Variants in PAIP1 observed in about 807,000 individuals in gnomAD.
The protein encoded by PAIP1 is polyadenylate-binding protein-interacting protein 1.
PAIP1 carries 16 observed loss-of-function variants against 61.3 expected under a neutral mutation model. That is an observed-to-expected ratio of 0.26 (90% CI 0.18 to 0.40). The LOEUF (loss-of-function observed/expected upper bound fraction) is 0.40, where lower values mean the gene tolerates loss of function less well. PAIP1 is among the 10% of genes least tolerant of loss of function. PAIP1 has a pLI of 1.00. For missense variants in PAIP1, 416 were observed against 600.9 expected (o/e 0.69, Z 3.22); for synonymous variants, 187 against 226.2 (o/e 0.83, Z 1.56).
chr5:43,529,061 G>T (rs1185181620), intron 10 of PAIP1, among the ~76,000 whole-genome samples: 1 of 149,550 alleles, frequency 6.7e-6, no homozygotes, highest in Non-Finnish European at 1.5e-5. Context: ...CCCTTTAATA[G>T]CTAAGATTTG....
chr5:43,555,040 CTTTA>C (rs941263606), intron 2 of PAIP1, among the ~76,000 whole-genome samples: 1 of 152,254 alleles, frequency 6.6e-6, no homozygotes, highest in Middle Eastern at 3.4e-3. Context: ...TTCTATATGA[CTTTA>C]TTTATATAAA....
At chr5:43,533,711 G>A (rs768637817) in intron 9 of PAIP1, 27 bp downstream of exon 9, 5 of 1,436,808 alleles carry the variant, frequency 3.5e-6, no homozygotes, top group Non-Finnish European at 4.9e-6. Flanking sequence ...ACAACTGGGA[G>A]GAGGGAATGA....
intron 3 of PAIP1, among the ~76,000 whole-genome samples, chr5:43,543,805 G>T (rs1747519980): frequency 1.3e-5 from 2 of 151,952 alleles, no homozygotes; most frequent in South Asian, 4.1e-4. Context: ...GAATAGTAGA[G>T]AACATAGTTT....
At chr5:43,542,981 T>C in intron 4 of PAIP1, 23 bp downstream of exon 4, 1 of 1,255,196 alleles carries the variant, frequency 8.0e-7, no homozygotes, top group South Asian at 1.2e-5. Flanking sequence ...GTAGTTTTCC[T>C]TTAATTTCAC....
At chr5:43,531,620 G>C (rs1479440075) in intron 9 of PAIP1, among the ~76,000 whole-genome samples, 3 of 118,218 alleles carry the variant, frequency 2.5e-5, no homozygotes, top group African/African-American at 9.1e-5. Context: ...TTGCATCACC[G>C]CACCCCAGCC....
intron 2 of PAIP1, among the ~76,000 whole-genome samples, chr5:43,552,075 A>C (rs926115695): frequency 6.6e-6 from 1 of 152,166 alleles, no homozygotes; most frequent in Admixed American, 6.5e-5. Context: ...GAGAAATAGA[A>C]AATGTACTTT....
At chr5:43,543,784 C>T (rs1449653464) in intron 3 of PAIP1, among the ~76,000 whole-genome samples, 1 of 151,132 alleles carries the variant, frequency 6.6e-6, no homozygotes, top group Non-Finnish European at 1.5e-5. Flanking sequence ...ACTTTAATTG[C>T]AATTTCTAAA....
Position 43,529,796 on chromosome 5 carries a change from C to G in PAIP1, c.1336G>C (p.Ala446Pro), listed in dbSNP as rs1279113828. The change falls in exon 10 of 11, where the codon GCT (alanine) becomes CCT (proline). Residue 446 changes from alanine (A) to proline (P), a missense_variant. Ala to Pro is a conservative substitution (Grantham distance 27). This residue lies in a region of PAIP1 where 135 missense variants were observed against 283.9 expected (regional missense o/e 0.48). Coordinates refer to ENST00000306846, the MANE Select transcript of PAIP1 (RefSeq NM_006451.5). Reference protein sequence around the residue: ...YEENGTDLSGAGDPYLDDIDD... With the variant: ...YEENGTDLSGPGDPYLDDIDD... ...CTGAAGAAAACTTACGGATCACCAG[C>G]CCCGGATAAATCTGTTCCATTTTCT... 3 of 1,541,904 alleles carry G rather than the reference C, an allele frequency of 1.9e-6. No individual in the cohort carries two copies. In the African/African-American group the frequency reaches 4.1e-5, roughly 21 times the overall value.
intron 3 of PAIP1, among the ~76,000 whole-genome samples, chr5:43,547,189 G>C (rs1308265830): frequency 6.7e-6 from 1 of 148,638 alleles, no homozygotes; most frequent in African/African-American, 2.5e-5. Context: ...AATTTTAAAA[G>C]AAAGCAAAGG....
chr5:43,534,999 G>A (rs745885408), intron 7 of PAIP1, 29 bp from the exon 8 acceptor site: 2 of 1,225,304 alleles, frequency 1.6e-6, no homozygotes, highest in African/African-American at 1.5e-5. Flanking sequence ...ATGAGTTAGT[G>A]TATCCACCAT....
intron 2 of PAIP1, 26 bp from the exon 3 acceptor site, chr5:43,547,939 T>C: frequency 2.0e-6 from 3 of 1,513,502 alleles, no homozygotes; most frequent in Non-Finnish European, 2.7e-6. Context: ...GAAAAAACAA[T>C]TTTAATCTAT....
intron 9 of PAIP1, among the ~76,000 whole-genome samples, chr5:43,531,152 T>C (rs1234392917): frequency 6.6e-6 from 1 of 152,042 alleles, no homozygotes; most frequent in Non-Finnish European, 1.5e-5. Flanking sequence ...TTTTTAACAA[T>C]GGGCCTGCAC....
intron 8 of PAIP1, among the ~76,000 whole-genome samples, chr5:43,534,088 C>T (rs1252394005): frequency 6.6e-6 from 1 of 152,192 alleles, no homozygotes; most frequent in African/African-American, 2.4e-5. Context: ...TGGTTTCCAA[C>T]CCCACCATTT....
At position 43,526,717 on chromosome 5, in the gene PAIP1, AAAAAAT is replaced by A. The variant is rs1302422399; in HGVS notation, c.*653_*658del. The A allele has an allele frequency of 4.7e-5, 7 of 149,646 alleles. No individual in the cohort carries two copies. The highest frequency in any genetic ancestry group is 1.2e-4 in the African/African-American group (5 of 40,662). 9.3% of individuals were successfully genotyped at this position (149,646 alleles called of 1,614,324 possible). On this transcript the variant is annotated 3_prime_UTR_variant, in exon 11 of 11. Transcript: ENST00000306846. ...TTAAGGTAATGAAGTTAGTCAGTTG[AAAAAAT>A]AAAAATAAAAAAGAACAATTCTAGA...
At chr5:43,542,568 G>A (rs1484320928) in intron 4 of PAIP1, among the ~76,000 whole-genome samples, 1 of 149,772 alleles carries the variant, frequency 6.7e-6, no homozygotes, top group East Asian at 2.0e-4. Flanking sequence ...AATAGCTATT[G>A]TATGAATTGT....
chr5:43,530,375 G>A (rs943917019), intron 9 of PAIP1, among the ~76,000 whole-genome samples: 9 of 152,122 alleles, frequency 5.9e-5, no homozygotes, highest in African/African-American at 1.7e-4. Flanking sequence ...CTTTCATTGG[G>A]TCCTCCAAGG....
chr5:43,540,784 G>A (rs1747367611), intron 4 of PAIP1, among the ~76,000 whole-genome samples: 1 of 152,168 alleles, frequency 6.6e-6, no homozygotes, highest in South Asian at 2.1e-4. Context: ...AGAAGAGTGG[G>A]TCTCAATCAT....
chr5:43,556,260 G>A, intron 1 of PAIP1: 1 of 1,274,946 alleles, frequency 7.8e-7, no homozygotes, highest in Non-Finnish European at 9.9e-7. Context: ...TAAAGGGGTC[G>A]GTGGAAAAGA....
chr5:43,532,087 G>A (rs539467954), intron 9 of PAIP1, among the ~76,000 whole-genome samples: 3 of 152,270 alleles, frequency 2.0e-5, no homozygotes, highest in Non-Finnish European at 4.4e-5. Context: ...AAAAGAAACT[G>A]AGATCTACTG....
Sources: gnomAD v4.1 joint callset for allele counts (sites outside exome capture counted in the v4.1 genomes callset) on GRCh38, gnomAD v4.1.1 for gene constraint, gnomAD v4.1.1 regional missense constraint, MANE v1.5 for transcripts, NCBI Gene and HGNC (gene_info 2026-07-23, HGNC 2026-07-21) for gene names.